The following DEPDC1B variants were observed in gnomAD, a reference collection of about 807,000 sequenced individuals.
DEPDC1B encodes DEP domain-containing protein 1B.
DEPDC1B carries 51 observed loss-of-function variants against 66.5 expected under a neutral mutation model. The observed-to-expected ratio is 0.77, with a 90% CI of 0.61 to 0.97. The LOEUF is 0.97. DEPDC1B is among the 50% of genes least tolerant of loss of function. The pLI, the probability that DEPDC1B is intolerant of heterozygous loss-of-function variation, is 0.00. For missense variants in DEPDC1B, 552 were observed against 637.1 expected (o/e 0.87, Z 1.44); for synonymous variants, 226 against 223.6 (o/e 1.01, Z -0.10).
chr5:60,687,261 C>A lies in DEPDC1B; in HGVS notation c.49-34G>T. The A allele has an allele frequency of 1.9e-6, 3 of 1,567,654 alleles. No individual in the cohort carries two copies. In the South Asian group the frequency reaches 3.5e-5, roughly 18 times the overall value. On this transcript the variant is annotated intron_variant, in intron 1 of 10. Transcript: ENST00000265036. Reference sequence around the variant, plus strand: ...AAGAAAGAGAATGGCATTTAGTAATCAACTGATTTTTTTAAGATTACTACA... The same window carrying A: ...AAGAAAGAGAATGGCATTTAGTAATAAACTGATTTTTTTAAGATTACTACA...
intron 2 of DEPDC1B, among the ~76,000 whole-genome samples, chr5:60,668,432 G>A (rs1198953381): frequency 6.6e-6 from 1 of 151,076 alleles, no homozygotes; most frequent in African/African-American, 2.4e-5. Context: ...GTTCCACCAC[G>A]CCTGGCTAAT....
intron 2 of DEPDC1B, among the ~76,000 whole-genome samples, chr5:60,651,510 A>G (rs1753450038): frequency 6.6e-6 from 1 of 151,816 alleles, no homozygotes; most frequent in Admixed American, 6.6e-5. Context: ...CAGACTGGGC[A>G]ACAGAGAGAG....
rs942186721 is a variant in DEPDC1B, at chr5:60,597,608, T to C, written c.*145A>G. The C allele has an allele frequency of 2.1e-5, 19 of 910,790 alleles. No individual in the cohort carries two copies. Among genetic ancestry groups the C allele is most frequent in the Non-Finnish European group, 2.7e-5 (17 of 627,524 alleles). 56.4% of individuals were successfully genotyped at this position (910,790 alleles called of 1,614,324 possible). On this transcript the variant is annotated 3_prime_UTR_variant, in exon 11 of 11. Transcript: ENST00000265036. ...TAAAAATACTAATGGCCAAACATTT[T>C]TAAAAACTAAGGCAATCTTTATCTA...
intron 2 of DEPDC1B, among the ~76,000 whole-genome samples, chr5:60,667,931 ATATATATAAAATGGATATTT>A (rs1753910060): frequency 2.3e-5 from 2 of 87,822 alleles, no homozygotes; most frequent in Non-Finnish European, 2.4e-5. Flanking sequence ...GATATTTTAT[ATATATATAAAATGGATATTT>A]TATATATATA....
chr5:60,675,069 G>A (rs1213149781), intron 2 of DEPDC1B, among the ~76,000 whole-genome samples: 1 of 152,034 alleles, frequency 6.6e-6, no homozygotes, highest in Non-Finnish European at 1.5e-5. Context: ...CCTCATTCAA[G>A]ATTCAAAGTC....
intron 7 of DEPDC1B, chr5:60,630,366 A>G (rs1176980881): frequency 6.6e-6 from 1 of 152,216 alleles, no homozygotes. Context: ...GGACCAACGG[A>G]GCAGCCCAAG....
intron 7 of DEPDC1B, among the ~76,000 whole-genome samples, chr5:60,607,071 AC>A (rs1752325930): frequency 6.6e-6 from 1 of 152,206 alleles, no homozygotes; most frequent in South Asian, 2.1e-4. Context: ...GTGAGGAGAA[AC>A]CCATAAACAA....
chr5:60,634,711 T>A (rs921155996), intron 7 of DEPDC1B, among the ~76,000 whole-genome samples: 1 of 150,928 alleles, frequency 6.6e-6, no homozygotes, highest in Admixed American at 6.6e-5. Context: ...AATATAAAAA[T>A]AAATAAATAA....
At chr5:60,627,733 G>A (rs1271143094) in intron 7 of DEPDC1B, among the ~76,000 whole-genome samples, 1 of 152,084 alleles carries the variant, frequency 6.6e-6, no homozygotes, top group Non-Finnish European at 1.5e-5. Flanking sequence ...TTTGAGAGAA[G>A]AAATGGCTGG....
rs373439834 is a variant in DEPDC1B, at chr5:60,665,021, G to T, written c.315-17488C>A. Among the ~76,000 whole-genome samples, 12 of 152,158 alleles carry T rather than the reference G, an allele frequency of 7.9e-5. No individual in the cohort carries two copies. In the East Asian group the frequency reaches 9.7e-4, roughly 12 times the overall value. On this transcript the variant is annotated intron_variant, in intron 2 of 10. Coordinates refer to ENST00000265036, the MANE Select transcript of DEPDC1B (RefSeq NM_018369.3). Reference sequence around the variant, plus strand: ...GGGAAATAGAAGGGAACCGCCAAGTGGATATTAAAACCAAAAGAGCCGCAA... The same window carrying T: ...GGGAAATAGAAGGGAACCGCCAAGTTGATATTAAAACCAAAAGAGCCGCAA...
chr5:60,673,626 G>C (rs1754094972), intron 2 of DEPDC1B, among the ~76,000 whole-genome samples: 1 of 152,198 alleles, frequency 6.6e-6, no homozygotes, highest in Non-Finnish European at 1.5e-5. Flanking sequence ...TTGAGAGCTT[G>C]TCAACTCCAC....
rs868535186 is a variant in DEPDC1B at position 60,664,826 on chromosome 5, T to C, written c.315-17293A>G. ...AGTAAATATATATACAGAATCTAAG[T>C]ATGCTTACCTAGTCCTCCATGCCCG... On this transcript the variant is annotated intron_variant, in intron 2 of 10. Transcript: ENST00000265036. Among the ~76,000 whole-genome samples, 42 of 152,162 alleles carry C rather than the reference T, an allele frequency of 2.8e-4. No homozygotes were observed. The Middle Eastern group carries it at 0.014, about 49-fold the overall frequency.
intron 2 of DEPDC1B, among the ~76,000 whole-genome samples, chr5:60,677,322 ACACACTCT>A (rs1181224753): frequency 7.0e-5 from 7 of 99,658 alleles, no homozygotes; most frequent in African/African-American, 4.1e-4. Flanking sequence ...ACACACACAC[ACACACTCT>A]CTCTCTCTCT....
At chr5:60,618,541 A>T (rs1429650623) in intron 7 of DEPDC1B, among the ~76,000 whole-genome samples, 2 of 152,266 alleles carry the variant, frequency 1.3e-5, no homozygotes, top group Non-Finnish European at 2.9e-5. Flanking sequence ...AATCTGGAAG[A>T]AATGGATAAA....
Position 60,645,548 on chromosome 5 carries a change from G to A in DEPDC1B, c.522C>T (p.Arg174=), listed in dbSNP as rs754436219. 1.7e-5 allele frequency: 27 copies of A among 1,613,128 alleles called. No homozygotes were observed. Among genetic ancestry groups the A allele is most frequent in the Non-Finnish European group, 2.0e-5 (24 of 1,179,536 alleles). Residue 174 remains arginine (R), a synonymous_variant, in exon 4 of 11, where the codon CGC becomes CGT. Coordinates refer to ENST00000265036, the MANE Select transcript of DEPDC1B (RefSeq NM_018369.3). ...CTACATTGGCCTCTGTCAGCTGTCT[G>A]CGGTGGACAAGACGGCAAGCTGGCA... ...GEVPACRLVH[R]RQLTEANVEE... is the part of the protein sequence containing the mutation.
chr5:60,597,582 A>C lies in DEPDC1B; in HGVS notation c.*171T>G. 1 of 672,820 alleles carries C rather than the reference A, an allele frequency of 1.5e-6. No individual in the cohort carries two copies. The highest frequency in any genetic ancestry group is 2.4e-5 in the South Asian group (1 of 42,358). 41.7% of individuals were successfully genotyped at this position (672,820 alleles called of 1,614,324 possible). On this transcript the variant is annotated 3_prime_UTR_variant, in exon 11 of 11. Transcript: ENST00000265036. ...CACTTTAAAACTAGCATTGAGTTTT[A>C]TAAAAATACTAATGGCCAAACATTT...
At chr5:60,605,508 A>G (rs1362078857) in intron 8 of DEPDC1B, among the ~76,000 whole-genome samples, 182 bp downstream of exon 8, 1 of 152,194 alleles carries the variant, frequency 6.6e-6, no homozygotes, top group African/African-American at 2.4e-5. Flanking sequence ...TCAAGTCTCC[A>G]TTTCTCATTA....
At chr5:60,602,548 C>A (rs1315514276) in intron 9 of DEPDC1B, among the ~76,000 whole-genome samples, 1 of 152,102 alleles carries the variant, frequency 6.6e-6, no homozygotes, top group Non-Finnish European at 1.5e-5. Flanking sequence ...TTCTGCCTGC[C>A]TTTACCAGGT....
intron 8 of DEPDC1B, among the ~76,000 whole-genome samples, chr5:60,604,788 C>A (rs1250647656): frequency 6.6e-6 from 1 of 152,100 alleles, no homozygotes; most frequent in Non-Finnish European, 1.5e-5. Flanking sequence ...CAAAGTTTTG[C>A]ATGTGTATTT....
Sources: gnomAD v4.1 joint callset for allele counts (sites outside exome capture counted in the v4.1 genomes callset) on GRCh38, gnomAD v4.1.1 for gene constraint, MANE v1.5 for transcripts, NCBI Gene and HGNC (gene_info 2026-07-23, HGNC 2026-07-21) for gene names.